The following WDR27 variants were observed in gnomAD, a reference collection of about 807,000 sequenced individuals.
WDR27 encodes WD repeat-containing protein 27.
Under a neutral mutation model 114.4 loss-of-function variants are expected in WDR27, and 100 were observed. The ratio of observed to expected loss-of-function variants is 0.87; its 90% CI spans 0.74 to 1.03. The LOEUF (loss-of-function observed/expected upper bound fraction) is 1.03. Among genes scored for constraint, WDR27 ranks in the 50% least tolerant of loss-of-function variants. The probability of loss-of-function intolerance (pLI) is 0.00; values close to 1 mark genes in which losing one functional copy is unlikely to be tolerated. For missense variants in WDR27, 1,129 were observed against 1,092.9 expected, an observed-to-expected ratio of 1.03 and a Z score of -0.47; for synonymous variants, 449 against 423.1, an observed-to-expected ratio of 1.06 and a Z score of -0.75.
chr6:169,490,889 C>T (rs1348664638), intron 25 of WDR27, among the ~76,000 whole-genome samples: 1 of 152,130 alleles, frequency 6.6e-6, no homozygotes, highest in East Asian at 1.9e-4. Context: ...CCCAAAACAT[C>T]CCCTGCAGGA....
the WDR27 span, among the ~76,000 whole-genome samples, chr6:169,441,875 T>C: frequency 1.3e-5 from 2 of 152,252 alleles, no homozygotes; most frequent in African/African-American, 4.8e-5. Context: ...TTCATGTATA[T>C]ATTTTTATTT....
the WDR27 span, among the ~76,000 whole-genome samples, chr6:169,451,068 C>A: frequency 1.3e-5 from 2 of 152,214 alleles, no homozygotes; most frequent in African/African-American, 4.8e-5. Context: ...TCACAAGGAA[C>A]TTCCTTGTGG....
intron 3 of WDR27, 74 bp downstream of exon 3, chr6:169,672,158 ACCCAAGGGAAACACCCCTTGGGT>A (rs1027514914): frequency 9.7e-5 from 124 of 1,282,752 alleles, no homozygotes; most frequent in Admixed American, 3.1e-4. Flanking sequence ...GACTGCTGTT[ACCCAAGGGAAACACCCCTTGGGT>A]GGTACCAAGT....
chr6:169,434,500 A>T, the WDR27 span, among the ~76,000 whole-genome samples: 2 of 152,154 alleles, frequency 1.3e-5, no homozygotes, highest in Non-Finnish European at 2.9e-5. Flanking sequence ...GTATAGTTTG[A>T]AGTCAGGTAG....
At chr6:169,500,724 G>A (rs372264884) in intron 25 of WDR27, among the ~76,000 whole-genome samples, 9 of 151,736 alleles carry the variant, frequency 5.9e-5, no homozygotes, top group Middle Eastern at 3.4e-3. Flanking sequence ...TCACCTCAAG[G>A]AGAAGGCACA....
intron 2 of WDR27, among the ~76,000 whole-genome samples, chr6:169,677,483 T>C (rs1276574227): frequency 6.6e-6 from 1 of 152,150 alleles, no homozygotes; most frequent in Non-Finnish European, 1.5e-5. Context: ...GCCATACAGT[T>C]GGAATTTATA....
intron 2 of WDR27, among the ~76,000 whole-genome samples, chr6:169,687,463 T>C (rs1783306972): frequency 6.6e-6 from 1 of 152,114 alleles, no homozygotes. Context: ...AATATCTAAA[T>C]GGCCAATAAA....
rs1311990274 is a variant in WDR27 at position 169,636,457 on chromosome 6, A to G, written c.1917T>C (p.Tyr639=). ...SKPIQSAQFY[Y]IDAFILLSSG... ...AAGATAACAATATAAAGGCATCTATATAATAGAACTGTGCAGACTGTATAG... is the reference window on the plus strand; with the variant it reads ...AAGATAACAATATAAAGGCATCTATGTAATAGAACTGTGCAGACTGTATAG... The change falls in exon 19 of 26, where the codon TAT becomes TAC. Residue 639 remains tyrosine, a synonymous_variant. Transcript: ENST00000448612. 3 of 1,613,812 alleles carry G rather than the reference A, an allele frequency of 1.9e-6. No individual in the cohort carries two copies. Among genetic ancestry groups the G allele is most frequent in the African/African-American group, 1.3e-5 (1 of 74,944 alleles).
chr6:169,583,712 T>C (rs77187354), intron 23 of WDR27, among the ~76,000 whole-genome samples: 3,164 of 146,830 alleles, frequency 0.022, 71 homozygotes, highest in East Asian at 0.092. Context: ...CAACGTCACA[T>C]TGCAGCAGGA....
intron 25 of WDR27, among the ~76,000 whole-genome samples, chr6:169,469,870 T>C (rs1327311457): frequency 1.3e-5 from 2 of 152,256 alleles, no homozygotes; most frequent in Non-Finnish European, 2.9e-5. Context: ...GTTACACCCA[T>C]AATCTCTTTA....
chr6:169,679,869 T>C (rs1043437501), intron 2 of WDR27, among the ~76,000 whole-genome samples: 3 of 152,186 alleles, frequency 2.0e-5, no homozygotes, highest in African/African-American at 4.8e-5. Context: ...CACCAAAACA[T>C]AGCATGATCA....
chr6:169,637,700 C>A (rs1817987576), intron 18 of WDR27, among the ~76,000 whole-genome samples: 1 of 151,914 alleles, frequency 6.6e-6, no homozygotes, highest in Non-Finnish European at 1.5e-5. Flanking sequence ...TATGCGTATG[C>A]ATCCATATGC....
intron 2 of WDR27, among the ~76,000 whole-genome samples, chr6:169,680,464 C>G (rs1781214093): frequency 6.6e-6 from 1 of 152,144 alleles, no homozygotes; most frequent in African/African-American, 2.4e-5. Context: ...CGCCTGTAGT[C>G]CCAGCTACTC....
At chr6:169,624,128 G>A (rs1274496077) in intron 21 of WDR27, among the ~76,000 whole-genome samples, 4 of 151,634 alleles carry the variant, frequency 2.6e-5, no homozygotes, top group Non-Finnish European at 4.4e-5. Flanking sequence ...GGTCAGGTGT[G>A]TGGTGTCAGG....
intron 22 of WDR27, among the ~76,000 whole-genome samples, chr6:169,604,125 GAAATA>G (rs750316956): frequency 3.3e-5 from 5 of 152,174 alleles, no homozygotes; most frequent in African/African-American, 7.2e-5. Context: ...AGAATTAAAT[GAAATA>G]GAGACCAACA....
chr6:169,448,287 T>C, the WDR27 span, among the ~76,000 whole-genome samples: 2 of 151,998 alleles, frequency 1.3e-5, no homozygotes, highest in African/African-American at 4.8e-5. Context: ...ATTTTTTTCC[T>C]TTTTTCTTAT....
At chr6:169,633,946 A>G (rs117680430) in intron 20 of WDR27, among the ~76,000 whole-genome samples, 2,621 of 152,304 alleles carry the variant, frequency 0.017, 30 homozygotes, top group Non-Finnish European at 0.024. Context: ...AACTTTATAC[A>G]ATGAATTCCT....
At chr6:169,532,309 T>A (rs1052564015) in intron 25 of WDR27, among the ~76,000 whole-genome samples, 1 of 152,024 alleles carries the variant, frequency 6.6e-6, no homozygotes, top group Admixed American at 6.6e-5. Context: ...TTAATAGAAA[T>A]AGAAAATACT....
intron 22 of WDR27, 57 bp from the exon 23 acceptor site, chr6:169,602,378 T>TTTA: frequency 8.6e-7 from 1 of 1,157,994 alleles, no homozygotes; most frequent in Non-Finnish European, 1.2e-6. Flanking sequence ...GAATGCAAAT[T>TTTA]AGAGGAAAGA....
Sources: gnomAD v4.1 joint callset for allele counts (sites outside exome capture counted in the v4.1 genomes callset) on GRCh38, gnomAD v4.1.1 for gene constraint, MANE v1.5 for transcripts, NCBI Gene and HGNC (gene_info 2026-07-23, HGNC 2026-07-21) for gene names.